INPP4B: variants seen among roughly 807,000 people sequenced by gnomAD.
INPP4B encodes the protein inositol polyphosphate 4-phosphatase type II.
INPP4B carries 55 observed loss-of-function variants against 122.5 expected under a neutral mutation model. The observed-to-expected ratio is 0.45, with a 90% CI of 0.36 to 0.56. The LOEUF (loss-of-function observed/expected upper bound fraction) is 0.56, where lower values mean the gene tolerates loss of function less well. INPP4B is among the 20% of genes least tolerant of loss of function. The pLI, the probability that INPP4B is intolerant of heterozygous loss-of-function variation, is 0.00. For missense variants in INPP4B, 1,000 were observed against 1,097.7 expected (o/e 0.91, Z 1.26); for synonymous variants, 403 against 388.7 (o/e 1.04, Z -0.43).
At chr4:142,687,530 T>G (rs1759519723) in intron 2 of INPP4B, among the ~76,000 whole-genome samples, 1 of 148,578 alleles carries the variant, frequency 6.7e-6, no homozygotes, top group Admixed American at 6.8e-5. Flanking sequence ...GCCACTAATT[T>G]TTTTTTTCTT....
chr4:142,092,636 T>G (rs1780111256), intron 23 of INPP4B, among the ~76,000 whole-genome samples: 2 of 152,182 alleles, frequency 1.3e-5, no homozygotes, highest in African/African-American at 4.8e-5. Context: ...AACCCTCTCT[T>G]GAAACCTACC....
chr4:142,521,031 C>A (rs1374528588), intron 2 of INPP4B, among the ~76,000 whole-genome samples: 3 of 151,844 alleles, frequency 2.0e-5, no homozygotes, highest in East Asian at 3.9e-4. Flanking sequence ...ATGACCTACA[C>A]AATAATTTCT....
rs573424759 is a variant in INPP4B at position 142,402,851 on chromosome 4, T to G, written c.372+87A>C. 17 of 774,714 alleles carry G rather than the reference T, an allele frequency of 2.2e-5. No individual in the cohort carries two copies. In the South Asian group the frequency reaches 2.4e-4, roughly 11 times the overall value. The allele number at this position is 774,714 out of a possible 1,614,324, so 48.0% of individuals were successfully genotyped here. On this transcript the variant is annotated intron_variant, in intron 7 of 25. Coordinates refer to ENST00000262992, the MANE Select transcript of INPP4B (RefSeq NM_001101669.3). ...TCATGAACACGGTGCAAATATCCTC[T>G]TTGAAAAATGTCAGTTACACAAAAA...
chr4:142,612,033 C>T (rs1272529391), intron 2 of INPP4B, among the ~76,000 whole-genome samples: 5 of 152,126 alleles, frequency 3.3e-5, no homozygotes, highest in Non-Finnish European at 7.3e-5. Context: ...GGTTTACATG[C>T]ATTATTTTTT....
intron 2 of INPP4B, among the ~76,000 whole-genome samples, chr4:142,594,493 C>A (rs979645255): frequency 6.6e-6 from 1 of 152,060 alleles, no homozygotes; most frequent in Admixed American, 6.6e-5. Flanking sequence ...AAAACAGACA[C>A]AGAGAGAAAG....
intron 25 of INPP4B, among the ~76,000 whole-genome samples, chr4:142,059,701 A>C (rs181986446): frequency 9.0e-4 from 137 of 152,262 alleles, no homozygotes; most frequent in Non-Finnish European, 1.4e-3. Context: ...ATAGTCAACT[A>C]AATCAACCAA....
intron 7 of INPP4B, among the ~76,000 whole-genome samples, chr4:142,319,561 T>C (rs1008312406): frequency 6.6e-6 from 1 of 152,172 alleles, no homozygotes; most frequent in Non-Finnish European, 1.5e-5. Flanking sequence ...TTCCATATCC[T>C]AGGAACCCTT....
chr4:142,141,173 G>A (rs1182276198), intron 18 of INPP4B, among the ~76,000 whole-genome samples: 2 of 152,128 alleles, frequency 1.3e-5, no homozygotes, highest in Admixed American at 1.3e-4. Context: ...CTGGACCAGT[G>A]GGTACAATGA....
At chr4:142,246,023 TGTACACACAC>T (rs1728353395) in intron 11 of INPP4B, among the ~76,000 whole-genome samples, 16 of 140,454 alleles carry the variant, frequency 1.1e-4, no homozygotes, top group African/African-American at 3.6e-4. Flanking sequence ...CATGTGTGTA[TGTACACACAC>T]GTGTGTGTAT....
intron 2 of INPP4B, among the ~76,000 whole-genome samples, chr4:142,580,557 T>C (rs1230135896): frequency 2.0e-5 from 3 of 151,996 alleles, no homozygotes. Context: ...TAGGTGTTAG[T>C]TCTACTCAGA....
At chr4:142,537,429 T>TATATATATATAGAGAGAGAGAGAGAGAG (rs1200701380) in intron 2 of INPP4B, among the ~76,000 whole-genome samples, 1 of 25,458 alleles carries the variant, frequency 3.9e-5, no homozygotes, top group Non-Finnish European at 9.2e-5. Context: ...TATATATATA[T>TATATATATATAGAGAGAGAGAGAGAGAG]AGAGAGAGAG....
At position 142,323,494 on chromosome 4, in the gene INPP4B, G is replaced by A. The variant is rs367955771; in HGVS notation, c.373-8732C>T. ...GGAGTCTCACTCTGTCGCCCAGGCT[G>A]GAGTGCAGTGGCACGATCTTGGCTC... is the stretch of plus-strand genomic sequence containing the variant. On this transcript the variant is annotated intron_variant, in intron 7 of 25. Coordinates refer to ENST00000262992, the MANE Select transcript of INPP4B (RefSeq NM_001101669.3). Among the ~76,000 whole-genome samples the A allele has an allele frequency of 3.7e-3, 514 of 139,490 alleles. 1 individual carries two copies. Among genetic ancestry groups the A allele is most frequent in the African/African-American group, 0.013 (486 of 37,506 alleles). 91.5% of individuals were successfully genotyped at this position (139,490 alleles called of 152,430 possible).
intron 2 of INPP4B, among the ~76,000 whole-genome samples, chr4:142,671,696 A>C (rs535184741): frequency 4.6e-5 from 7 of 152,278 alleles, no homozygotes; most frequent in Non-Finnish European, 1.0e-4. Flanking sequence ...TGGAGGTCTT[A>C]GTTCCAAGAT....
chr4:142,707,959 A>G (rs1419687588), intron 2 of INPP4B, among the ~76,000 whole-genome samples: 1 of 152,216 alleles, frequency 6.6e-6, no homozygotes, highest in Non-Finnish European at 1.5e-5. Context: ...AGTGATACGG[A>G]CAATGAAATC....
intron 2 of INPP4B, among the ~76,000 whole-genome samples, chr4:142,532,610 A>C (rs1247336499): frequency 6.6e-6 from 1 of 152,146 alleles, no homozygotes. Flanking sequence ...AGGAACCACA[A>C]TAGCCCGCCA....
At chr4:142,303,914 G>A (rs1762423997) in intron 9 of INPP4B, among the ~76,000 whole-genome samples, 1 of 152,066 alleles carries the variant, frequency 6.6e-6, no homozygotes, top group Non-Finnish European at 1.5e-5. Flanking sequence ...CTAAGGTACT[G>A]TGTGTTCACT....
At chr4:142,420,598 A>G (rs1263980174) in intron 5 of INPP4B, among the ~76,000 whole-genome samples, 3 of 152,114 alleles carry the variant, frequency 2.0e-5, no homozygotes. Context: ...GGCCTTAGAT[A>G]ACCTTTTATT....
rs192113592 is a variant in INPP4B at position 142,076,952 on chromosome 4, C to A, written c.2642+5079G>T. Among the ~76,000 whole-genome samples the A allele has an allele frequency of 3.5e-4, 53 of 152,000 alleles. 1 individual carries two copies. The East Asian group carries it at 9.9e-3, about 28-fold the overall frequency. ...CTTTTTTATTTCAACAATAATTGAA[C>A]TACATTACTTAAAAGTGAACCCTAT... On this transcript the variant is annotated intron_variant, in intron 25 of 25. Transcript: ENST00000262992.
intron 11 of INPP4B, among the ~76,000 whole-genome samples, chr4:142,257,893 A>T (rs1163807729): frequency 6.6e-6 from 1 of 152,210 alleles, no homozygotes; most frequent in Non-Finnish European, 1.5e-5. Context: ...CTGCATTGCC[A>T]AGTCAATCCT....
Sources: allele counts gnomAD v4.1 joint callset (sites outside exome capture counted in the v4.1 genomes callset), GRCh38; gene constraint gnomAD v4.1.1; transcripts MANE v1.5; gene names NCBI Gene and HGNC (gene_info 2026-07-23, HGNC 2026-07-21).